The following PLA2G4D variants were observed in gnomAD, a reference collection of about 807,000 sequenced individuals.
The protein encoded by PLA2G4D is phospholipase A2 group IVD, also known as cytosolic phospholipase A2 delta.
In PLA2G4D, 80 loss-of-function variants were observed where a neutral mutation model predicts 94.4. The ratio of observed to expected loss-of-function variants is 0.85; its 90% CI spans 0.71 to 1.02. The LOEUF is 1.02. PLA2G4D is among the 50% of genes least tolerant of loss of function. PLA2G4D has a pLI of 0.00. For synonymous variants in PLA2G4D, 438 were observed against 440.9 expected (o/e 0.99, Z 0.08); for missense variants, 1,050 against 1,034.7 (o/e 1.01, Z -0.20).
rs2141092890 is a variant in PLA2G4D, at chr15:42,071,712, C to T, written c.1573+62G>A. The T allele has an allele frequency of 2.5e-6, 4 of 1,596,082 alleles. No individual in the cohort carries two copies. The Admixed American group carries it at 5.1e-5, about 20-fold the overall frequency. On this transcript the variant is annotated intron_variant, in intron 15 of 19. Coordinates refer to ENST00000290472, the MANE Select transcript of PLA2G4D (RefSeq NM_178034.4). Reference sequence around the variant, plus strand: ...GTTCTGCCCCACCTGAGCTACAGGACCCATGTCCATTCAGACACCTGGCCC... The same window carrying T: ...GTTCTGCCCCACCTGAGCTACAGGATCCATGTCCATTCAGACACCTGGCCC...
chr15:42,087,740 C>T, intron 1 of PLA2G4D, 40 bp from the exon 2 acceptor site: 2 of 1,598,858 alleles, frequency 1.3e-6, no homozygotes, highest in Non-Finnish European at 1.7e-6. Context: ...TCCTGCATTC[C>T]CTCCCTTATG....
At chr15:42,093,021 C>T (rs926568397) in intron 1 of PLA2G4D, among the ~76,000 whole-genome samples, 1 of 152,186 alleles carries the variant, frequency 6.6e-6, no homozygotes, top group Non-Finnish European at 1.5e-5. Flanking sequence ...GCACCTCCCT[C>T]AGGCTGGGCT....
At chr15:42,075,579 G>C (rs770774570) in intron 13 of PLA2G4D, among the ~76,000 whole-genome samples, 3 of 152,122 alleles carry the variant, frequency 2.0e-5, no homozygotes, top group Non-Finnish European at 4.4e-5. Context: ...ATGACTAGGT[G>C]ATTCTATCAT....
At position 42,070,704 on chromosome 15, in the gene PLA2G4D, G is replaced by C; in HGVS notation, c.2043+13C>G. 6.4e-7 allele frequency: 1 copy of C among 1,551,358 alleles called. No homozygotes were observed. The highest frequency in any genetic ancestry group is 8.7e-7 in the Non-Finnish European group (1 of 1,146,682). On this transcript the variant is annotated intron_variant, in intron 18 of 19. Coordinates refer to ENST00000290472, the MANE Select transcript of PLA2G4D (RefSeq NM_178034.4). ...GGCTGGGCAGAGGGGTTCCCCTGGG[G>C]TGACCAGGGTACCTCGAAGGGCGCA...
At chr15:42,073,593 C>G (rs1031413369) in intron 13 of PLA2G4D, among the ~76,000 whole-genome samples, 3 of 152,202 alleles carry the variant, frequency 2.0e-5, no homozygotes, top group Admixed American at 1.3e-4. Context: ...GGAAGAGTGT[C>G]TAGTTCTAGA....
Position 42,081,849 on chromosome 15 carries a change from A to AG in PLA2G4D, c.784-16dup, listed in dbSNP as rs1295731791. Reference sequence around the variant, plus strand: ...ACTCCTGGGGCCTGAAATCAAAGCCAGAGACTCTGCTCAGACCCTCCTAGA... The same window carrying AG: ...ACTCCTGGGGCCTGAAATCAAAGCCAGGAGACTCTGCTCAGACCCTCCTAGA... On this transcript the variant is annotated splice_polypyrimidine_tract_variant and intron_variant, in intron 9 of 19. Transcript: ENST00000290472. 2.5e-6 allele frequency: 4 copies of AG among 1,613,846 alleles called. No individual in the cohort carries two copies. The highest frequency in any genetic ancestry group is 3.3e-4 in the Middle Eastern group (2 of 6,058).
chr15:42,091,262 G>A (rs1329856690), intron 1 of PLA2G4D, among the ~76,000 whole-genome samples: 2 of 152,164 alleles, frequency 1.3e-5, no homozygotes, highest in Non-Finnish European at 1.5e-5. Flanking sequence ...TCTTAGATAC[G>A]ATTATATATG....
intron 6 of PLA2G4D, chr15:42,083,991 G>GCTCCAC: frequency 1.8e-6 from 1 of 565,608 alleles, no homozygotes; most frequent in South Asian, 2.2e-5. Flanking sequence ...GAGGGCCCTG[G>GCTCCAC]CTCCACACCT....
intron 12 of PLA2G4D, among the ~76,000 whole-genome samples, chr15:42,080,777 C>T (rs1384218648): frequency 2.6e-5 from 4 of 152,244 alleles, no homozygotes; most frequent in African/African-American, 9.6e-5. Flanking sequence ...TACCTCACAG[C>T]CTTTCAGTAA....
In PLA2G4D at chr15:42,068,672, T is replaced by C. The variant is rs1889731620; in HGVS notation, c.*43A>G. 6.5e-7 allele frequency: 1 copy of C among 1,543,220 alleles called. No individual in the cohort carries two copies. The highest frequency in any genetic ancestry group is 8.8e-7 in the Non-Finnish European group (1 of 1,137,458). On this transcript the variant is annotated 3_prime_UTR_variant, in exon 20 of 20. Coordinates refer to ENST00000290472, the MANE Select transcript of PLA2G4D (RefSeq NM_178034.4). ...GGCTGAGCCCAGCTACAGATCAGGT[T>C]ATGCCCGCAGGCCCTGGAGGGTCCT...
At chr15:42,072,029 C>T in intron 14 of PLA2G4D, 118 bp from the exon 15 acceptor site, 2 of 1,341,482 alleles carry the variant, frequency 1.5e-6, no homozygotes, top group Non-Finnish European at 2.0e-6. Flanking sequence ...GTGCCTGGCA[C>T]CAATGCAGCA....
At chr15:42,089,752 G>A (rs1239685263) in intron 1 of PLA2G4D, among the ~76,000 whole-genome samples, 2 of 152,106 alleles carry the variant, frequency 1.3e-5, no homozygotes, top group African/African-American at 4.8e-5. Context: ...GCCCAGCCTC[G>A]CTCCCCTGCT....
chr15:42,073,025 CAG>C, intron 13 of PLA2G4D, among the ~76,000 whole-genome samples: 1 of 152,298 alleles, frequency 6.6e-6, no homozygotes, highest in Non-Finnish European at 1.5e-5. Flanking sequence ...TATTTTGAGA[CAG>C]GGTCTCACTC....
At chr15:42,087,468 G>A (rs368157085) in intron 2 of PLA2G4D, 32 bp from the exon 3 acceptor site, 5 of 1,613,610 alleles carry the variant, frequency 3.1e-6, no homozygotes, top group Non-Finnish European at 3.4e-6. Context: ...TCGTGAGGGA[G>A]TACTCCCCAC....
In PLA2G4D at chr15:42,084,563, C is replaced by G. The variant is rs1890103582; in HGVS notation, c.471+533G>C. 6.6e-6 allele frequency among the ~76,000 whole-genome samples: 1 copy of G among 152,168 alleles called. No homozygotes were observed. Among genetic ancestry groups the G allele is most frequent in the Non-Finnish European group, 1.5e-5 (1 of 68,032 alleles). ...ATCGAGCGCGTCGCCCGCTCGCCACCTTGCGGCCATTTCTGTCCACTGCAG... is the reference window on the plus strand; with the variant it reads ...ATCGAGCGCGTCGCCCGCTCGCCACGTTGCGGCCATTTCTGTCCACTGCAG... On this transcript the variant is annotated intron_variant, in intron 6 of 19. Coordinates refer to ENST00000290472, the MANE Select transcript of PLA2G4D (RefSeq NM_178034.4). This position sits in a 1 kb window ranked among gnomAD's most constrained non-coding sequence, Gnocchi z 4.8.
At chr15:42,094,393 C>A in intron 1 of PLA2G4D, 22 bp downstream of exon 1, 1 of 1,613,814 alleles carries the variant, frequency 6.2e-7, no homozygotes, top group Middle Eastern at 1.6e-4. Context: ...CTGGTGCCCA[C>A]ATGCTCTGCA....
In PLA2G4D at chr15:42,094,432, G is replaced by T. The variant is rs75734921; in HGVS notation, c.28C>A (p.Pro10Thr). MESLSPGGP[P>T]GHPYQGEAST... ...ACTGTTACCTGGTAAGGGTGGCCAG[G>T]TGGTCCCCCAGGTGACAGGCTCTCC... The change falls in exon 1 of 20, where the codon CCT (proline) becomes ACT (threonine). Residue 10 changes from proline (P) to threonine (T), a missense_variant. Pro to Thr is a conservative substitution (Grantham distance 38, BLOSUM62 -1). Transcript: ENST00000290472. 155,231 of 1,613,826 alleles carry T rather than the reference G, an allele frequency of 0.096. 8,322 individuals carry two copies. The highest frequency in any genetic ancestry group is 0.11 in the Non-Finnish European group (129,990 of 1,179,804).
In PLA2G4D at chr15:42,068,582, G is replaced by A; in HGVS notation, c.*133C>T. 3 of 769,212 alleles carry A rather than the reference G, an allele frequency of 3.9e-6. No individual in the cohort carries two copies. Among genetic ancestry groups the A allele is most frequent in the Non-Finnish European group, 6.2e-6 (3 of 486,522 alleles). The allele number at this position is 769,212 out of a possible 1,614,324, so 47.6% of individuals were successfully genotyped here. A position where few individuals can be genotyped will look rare whatever the true frequency, so the allele number is the denominator to read the frequency against. On this transcript the variant is annotated 3_prime_UTR_variant, in exon 20 of 20. Transcript: ENST00000290472. ...CTGTGTGTGCAGTTCCCTCTGGGCA[G>A]TGAGACCAGCTACAGAGGCCACCCA...
intron 8 of PLA2G4D, 40 bp downstream of exon 8, chr15:42,083,158 A>G (rs771712222): frequency 1.3e-6 from 2 of 1,593,706 alleles, no homozygotes; most frequent in Non-Finnish European, 1.7e-6. Context: ...GGAGCTGCCC[A>G]AGCCTAGGAT....
Sources: gnomAD v4.1 joint callset for allele counts (sites outside exome capture counted in the v4.1 genomes callset) on GRCh38, gnomAD v4.1.1 for gene constraint, Gnocchi (gnomAD v3.1) non-coding constraint, MANE v1.5 for transcripts, NCBI Gene and HGNC (gene_info 2026-07-23, HGNC 2026-07-21) for gene names.